Variants in SUFU observed in about 807,000 individuals in gnomAD.
SUFU encodes the protein suppressor of fused homolog.
Under a neutral mutation model 58.9 loss-of-function variants are expected in SUFU, and 7 were observed. The observed-to-expected ratio is 0.12, with a 90% CI of 0.07 to 0.22. The LOEUF is 0.22. Ranked by LOEUF, SUFU falls within the 10% of genes least tolerant of loss-of-function variation. SUFU has a pLI of 1.00. For synonymous variants in SUFU, 232 were observed against 254.8 expected (o/e 0.91, Z 0.85); for missense variants, 451 against 641.3 (o/e 0.70, Z 3.20).
chr10:102,527,035 C>T (rs373073408), intron 2 of SUFU, among the ~76,000 whole-genome samples: 15 of 125,776 alleles, frequency 1.2e-4, no homozygotes, highest in East Asian at 6.8e-4. Context: ...CTCGCTCTGT[C>T]GCCCAGGCTG....
chr10:102,610,032 A>AT (rs1294979573), intron 8 of SUFU, among the ~76,000 whole-genome samples: 2 of 151,840 alleles, frequency 1.3e-5, no homozygotes, highest in Non-Finnish European at 2.9e-5. Context: ...TTTATTTTTA[A>AT]TTTTTTCCAA....
At chr10:102,577,738 T>C (rs1241891402) in intron 3 of SUFU, among the ~76,000 whole-genome samples, 1 of 147,778 alleles carries the variant, frequency 6.8e-6, no homozygotes, top group East Asian at 2.2e-4. Flanking sequence ...TGGAGTGCAG[T>C]GGCACGATCC....
chr10:102,571,648 C>T (rs1407153410), intron 3 of SUFU, among the ~76,000 whole-genome samples: 2 of 152,166 alleles, frequency 1.3e-5, no homozygotes, highest in African/African-American at 4.8e-5. Flanking sequence ...CAAGATTGCG[C>T]CACTGCACTC....
At chr10:102,570,182 C>T (rs1034068413) in intron 3 of SUFU, among the ~76,000 whole-genome samples, 2 of 152,014 alleles carry the variant, frequency 1.3e-5, no homozygotes, top group Admixed American at 6.6e-5. Context: ...GATTTAAGCG[C>T]TGGGTGTGCA....
chr10:102,522,756 C>T (rs896599245), intron 2 of SUFU, among the ~76,000 whole-genome samples: 2 of 152,186 alleles, frequency 1.3e-5, no homozygotes, highest in Non-Finnish European at 2.9e-5. Context: ...CAGCGTTGAT[C>T]GCTGTCCTCT....
chr10:102,539,057 C>G (rs978484535), intron 2 of SUFU, among the ~76,000 whole-genome samples: 1 of 152,224 alleles, frequency 6.6e-6, no homozygotes, highest in Non-Finnish European at 1.5e-5. Flanking sequence ...CAACTGTCCC[C>G]ATTTGCCTGG....
rs995205033 is a variant in SUFU, at chr10:102,628,444, T to C, written c.1365+1201T>C. ...ATGCCAGCCAATCAACCCCCACAAG[T>C]CACTGGTCCCTGAGTCCCAGCTCCC... is the stretch of plus-strand genomic sequence containing the variant. On this transcript the variant is annotated intron_variant, in intron 11 of 11. Coordinates refer to ENST00000369902, the MANE Select transcript of SUFU (RefSeq NM_016169.4). The surrounding 1 kb of genome is among the most constrained non-coding windows in gnomAD (Gnocchi z 4.5). 6.6e-5 allele frequency among the ~76,000 whole-genome samples: 10 copies of C among 152,052 alleles called. No homozygotes were observed. Among genetic ancestry groups the C allele is most frequent in the African/African-American group, 2.4e-4 (10 of 41,402 alleles).
intron 3 of SUFU, among the ~76,000 whole-genome samples, chr10:102,587,033 A>T (rs1005295768): frequency 6.6e-6 from 1 of 152,170 alleles, no homozygotes; most frequent in African/African-American, 2.4e-5. Context: ...CATTTGCCAG[A>T]ATTTCTTTTT....
At chr10:102,502,819 A>G, upstream of SUFU, 1 of 633,164 alleles carries the variant, frequency 1.6e-6, no homozygotes, top group African/African-American at 1.8e-5. Flanking sequence ...TTAGCGATCT[A>G]GCTTGCTTTG....
chr10:102,551,612 TG>T (rs548258854), intron 3 of SUFU, among the ~76,000 whole-genome samples: 147 of 147,344 alleles, frequency 1.0e-3, no homozygotes, highest in African/African-American at 3.4e-3. Flanking sequence ...TACTCCAGCC[TG>T]GGCAACAGAG....
intron 2 of SUFU, among the ~76,000 whole-genome samples, chr10:102,539,358 C>T (rs1213415453): frequency 6.6e-6 from 1 of 152,136 alleles, no homozygotes; most frequent in Admixed American, 6.5e-5. Context: ...ACATGTTGTG[C>T]CCTTCTTAGT....
rs976521750 is a variant in SUFU, at chr10:102,617,581, A to G, written c.1296+153A>G. 3.8e-6 allele frequency: 4 copies of G among 1,055,912 alleles called. No individual in the cohort carries two copies. Among genetic ancestry groups the G allele is most frequent in the African/African-American group, 3.2e-5 (2 of 63,020 alleles). The allele number at this position is 1,055,912 out of a possible 1,614,324, so 65.4% of individuals were successfully genotyped here. A position where few individuals can be genotyped will look rare whatever the true frequency, so the allele number is the denominator to read the frequency against. ...CAGGGCCTGGGGCCTGTGTGTAGGT[A>G]TGGAGTGTGGATGCTGCTACCCACT... On this transcript the variant is annotated intron_variant, in intron 10 of 11. Transcript: ENST00000369902. This position sits in a 1 kb window ranked among gnomAD's most constrained non-coding sequence, Gnocchi z 4.4.
intron 3 of SUFU, among the ~76,000 whole-genome samples, chr10:102,568,810 G>T (rs1229893585): frequency 6.9e-6 from 1 of 145,360 alleles, no homozygotes; most frequent in South Asian, 2.2e-4. Flanking sequence ...GGAGGCGGAG[G>T]TTGCAGTGAG....
chr10:102,579,927 A>T (rs560240533), intron 3 of SUFU: 1 of 908,636 alleles, frequency 1.1e-6, no homozygotes, highest in East Asian at 1.2e-4. Flanking sequence ...ACAACTGGTC[A>T]CCATCTGCGC....
chr10:102,502,821 C>A (rs2062268297), upstream of SUFU: 2 of 629,520 alleles, frequency 3.2e-6, no homozygotes, highest in African/African-American at 1.8e-5. Context: ...AGCGATCTAG[C>A]TTGCTTTGTT....
chr10:102,585,243 C>A (rs1445770197), intron 3 of SUFU, among the ~76,000 whole-genome samples: 1 of 152,200 alleles, frequency 6.6e-6, no homozygotes, highest in African/African-American at 2.4e-5. Flanking sequence ...TTCCCTCCAA[C>A]CATCACAGCC....
chr10:102,577,422 C>A (rs972329597), intron 3 of SUFU, among the ~76,000 whole-genome samples: 2 of 151,976 alleles, frequency 1.3e-5, no homozygotes, highest in Non-Finnish European at 2.9e-5. Context: ...TCATGGGTCA[C>A]TGCAGCCTCC....
intron 3 of SUFU, among the ~76,000 whole-genome samples, chr10:102,568,941 T>TATATATAC (rs1564685816): frequency 1.5e-5 from 1 of 68,428 alleles, no homozygotes; most frequent in African/African-American, 5.1e-5. Context: ...TATATATATA[T>TATATATAC]ATATATATAT....
chr10:102,550,343 G>A, intron 3 of SUFU, among the ~76,000 whole-genome samples: 1 of 152,120 alleles, frequency 6.6e-6, no homozygotes, highest in Non-Finnish European at 1.5e-5. Context: ...GTGTTATGTT[G>A]TGCCACCCTG....
Sources: gnomAD v4.1 joint callset for allele counts (sites outside exome capture counted in the v4.1 genomes callset) on GRCh38, gnomAD v4.1.1 for gene constraint, Gnocchi (gnomAD v3.1) non-coding constraint, MANE v1.5 for transcripts, NCBI Gene and HGNC (gene_info 2026-07-23, HGNC 2026-07-21) for gene names.